RFX3: variants seen among roughly 807,000 people sequenced by gnomAD.
RFX3 encodes the protein regulatory factor X3, also known as transcription factor RFX3.
Under a neutral mutation model 98.6 loss-of-function variants are expected in RFX3, and 14 were observed. The observed-to-expected ratio is 0.14, with a 90% confidence interval of 0.09 to 0.22. The LOEUF (loss-of-function observed/expected upper bound fraction) is 0.22. Among genes scored for constraint, RFX3 ranks in the 10% least tolerant of loss-of-function variants. The probability of loss-of-function intolerance (pLI) is 1.00; values close to 1 mark genes in which losing one functional copy is unlikely to be tolerated. For synonymous variants in RFX3, 383 were observed against 328.4 expected, an observed-to-expected ratio of 1.17 and a Z score of -1.80; for missense variants, 639 against 926.9, an observed-to-expected ratio of 0.69 and a Z score of 4.03.
At chr9:3,407,317 C>T (rs1842054819) in intron 1 of RFX3, among the ~76,000 whole-genome samples, 2 of 152,208 alleles carry the variant, frequency 1.3e-5, no homozygotes, top group Non-Finnish European at 1.5e-5. Context: ...TATGTAAGGA[C>T]TTCACATACA....
chr9:3,339,871 A>T (rs1379691640), intron 3 of RFX3, among the ~76,000 whole-genome samples: 4 of 152,144 alleles, frequency 2.6e-5, no homozygotes, highest in Non-Finnish European at 2.9e-5. Context: ...CAAGCTACCG[A>T]TGACTTTCTT....
chr9:3,343,983 T>C (rs1587198631), intron 3 of RFX3, among the ~76,000 whole-genome samples: 3 of 152,192 alleles, frequency 2.0e-5, no homozygotes, highest in Admixed American at 1.3e-4. Flanking sequence ...ATGGGTCCTA[T>C]AGTTTTAAAG....
At chr9:3,270,569 A>AT in intron 10 of RFX3, 44 bp from the exon 11 acceptor site, 1 of 1,575,504 alleles carries the variant, frequency 6.3e-7, no homozygotes, top group Non-Finnish European at 8.6e-7. Flanking sequence ...GCAAATGAGG[A>AT]TAAAAAAGAA....
intron 2 of RFX3, among the ~76,000 whole-genome samples, chr9:3,381,913 G>C (rs1469320706): frequency 6.6e-6 from 1 of 152,096 alleles, no homozygotes; most frequent in Admixed American, 6.6e-5. Context: ...TTTCAGTTTT[G>C]AGCCTTACTT....
At chr9:3,364,110 A>G (rs1420985168) in intron 2 of RFX3, among the ~76,000 whole-genome samples, 1 of 152,180 alleles carries the variant, frequency 6.6e-6, no homozygotes, top group Non-Finnish European at 1.5e-5. Context: ...TCCTGACCTC[A>G]TGATCTGCGG....
chr9:3,285,262 A>T (rs1455782892), intron 7 of RFX3, among the ~76,000 whole-genome samples: 2 of 151,830 alleles, frequency 1.3e-5, no homozygotes, highest in Non-Finnish European at 2.9e-5. Flanking sequence ...CTTCTATTTT[A>T]TACTTTAAAC....
intron 4 of RFX3, among the ~76,000 whole-genome samples, chr9:3,314,405 C>T (rs1319990110): frequency 6.6e-6 from 1 of 152,174 alleles, no homozygotes; most frequent in Non-Finnish European, 1.5e-5. Flanking sequence ...CTGGTACCAG[C>T]CACTGCAAAA....
At chr9:3,327,584 T>C (rs1272158579) in intron 4 of RFX3, among the ~76,000 whole-genome samples, 1 of 151,896 alleles carries the variant, frequency 6.6e-6, no homozygotes, top group South Asian at 2.1e-4. Context: ...ACTCCTTTTG[T>C]TAAAAAGGAA....
intron 1 of RFX3, among the ~76,000 whole-genome samples, chr9:3,419,639 C>T (rs115926554): frequency 0.027 from 4,111 of 152,276 alleles, 197 homozygotes; most frequent in African/African-American, 0.095. Flanking sequence ...ACCTGCAGTT[C>T]TCCGTTGGTA....
chr9:3,248,212 C>A, intron 14 of RFX3, 27 bp from the exon 15 acceptor site: 1 of 1,569,526 alleles, frequency 6.4e-7, no homozygotes, highest in East Asian at 2.3e-5. Context: ...GACAAATATG[C>A]AGCTAACATT....
intron 1 of RFX3, among the ~76,000 whole-genome samples, chr9:3,429,004 T>TC (rs932049450): frequency 4.6e-5 from 7 of 151,568 alleles, no homozygotes; most frequent in African/African-American, 1.7e-4. Flanking sequence ...TTAAAACATT[T>TC]CTTTTTAATT....
chr9:3,319,737 C>T (rs965146497), intron 4 of RFX3, among the ~76,000 whole-genome samples: 4 of 152,110 alleles, frequency 2.6e-5, no homozygotes, highest in Middle Eastern at 6.8e-3. Context: ...GGATTAGGTA[C>T]CTTTCAGTGC....
chr9:3,424,526 T>TA (rs1372727058), intron 1 of RFX3, among the ~76,000 whole-genome samples: 1 of 149,808 alleles, frequency 6.7e-6, no homozygotes, highest in East Asian at 2.0e-4. Flanking sequence ...CGCGCCCGGA[T>TA]AATTTTTGTA....
At chr9:3,502,764 A>T (rs996839026) in intron 1 of RFX3, among the ~76,000 whole-genome samples, 3 of 152,146 alleles carry the variant, frequency 2.0e-5, no homozygotes, top group African/African-American at 7.2e-5. Flanking sequence ...AGAGCAATGG[A>T]CTGGCAATGT....
intron 3 of RFX3, among the ~76,000 whole-genome samples, chr9:3,333,078 C>T (rs1327928079): frequency 1.3e-5 from 2 of 152,188 alleles, no homozygotes; most frequent in African/African-American, 2.4e-5. Flanking sequence ...GTACTCTCAA[C>T]ACTTAACACA....
chr9:3,322,616 C>A (rs1163093649), intron 4 of RFX3, among the ~76,000 whole-genome samples: 1 of 151,968 alleles, frequency 6.6e-6, no homozygotes, highest in East Asian at 1.9e-4. Context: ...ACCTGTAATC[C>A]CAGTTACTAG....
At chr9:3,344,039 G>A (rs994001820) in intron 3 of RFX3, among the ~76,000 whole-genome samples, 3 of 152,104 alleles carry the variant, frequency 2.0e-5, no homozygotes, top group Non-Finnish European at 4.4e-5. Context: ...ATGAATGAAT[G>A]AATTCATTCA....
intron 12 of RFX3, among the ~76,000 whole-genome samples, chr9:3,264,322 A>G (rs1049489652): frequency 2.0e-5 from 3 of 152,210 alleles, no homozygotes; most frequent in Non-Finnish European, 4.4e-5. Context: ...ACACATCTAC[A>G]GGAATGTATA....
chr9:3,329,123 G>C (rs896288960), intron 4 of RFX3, among the ~76,000 whole-genome samples: 1 of 151,934 alleles, frequency 6.6e-6, no homozygotes, highest in Non-Finnish European at 1.5e-5. Flanking sequence ...ACATTGTGTT[G>C]GCCGGGCTCA....
Sources: gnomAD v4.1 joint callset for allele counts (sites outside exome capture counted in the v4.1 genomes callset) on GRCh38, gnomAD v4.1.1 for gene constraint, MANE v1.5 for transcripts, NCBI Gene and HGNC (gene_info 2026-07-23, HGNC 2026-07-21) for gene names.